Variants in BRCA2 observed in about 807,000 individuals in gnomAD.
BRCA2 encodes BRCA2 DNA repair associated, also known as breast cancer type 2 susceptibility protein.
BRCA2 carries 203 observed loss-of-function variants against 276.7 expected under a neutral mutation model. That is an observed-to-expected ratio of 0.73 (90% confidence interval 0.65 to 0.82). BRCA2 has a LOEUF of 0.82. BRCA2 is among the 40% of genes least tolerant of loss of function. BRCA2 has a pLI of 0.00. For missense variants in BRCA2, 3,920 were observed against 3,915.0 expected (o/e 1.00, Z -0.03); for synonymous variants, 1,289 against 1,338.4 (o/e 0.96, Z 0.81).
chr13:32,349,832 A>C (rs1024229077), intron 13 of BRCA2, among the ~76,000 whole-genome samples: 1 of 133,538 alleles, frequency 7.5e-6, no homozygotes, highest in East Asian at 2.2e-4. Flanking sequence ...AAAAAAAAAA[A>C]GCAGCAGCAG....
rs397507427 is a variant in BRCA2 at position 32,394,815 on chromosome 13, G to A, written c.9383G>A (p.Arg3128Gln). The A allele has an allele frequency of 8.1e-6, 13 of 1,614,038 alleles. No individual in the cohort carries two copies. The East Asian group carries it at 1.3e-4, about 17-fold the overall frequency. ...MLIAASNLQW[R>Q]PESKSGLLTL... ...ATTGCTGCAAGCAACCTCCAGTGGC[G>A]ACCAGAATCCAAATCAGGCCTTCTT... Residue 3128 changes from arginine (R) to glutamine (Q), a missense_variant, in exon 25 of 27, where the codon CGA becomes CAA. By Grantham distance (43) the Arg-to-Gln change is conservative. This residue lies in a region of BRCA2 where 657 missense variants were observed against 758.2 expected (regional missense o/e 0.87). Transcript: ENST00000380152.
chr13:32,395,952 C>CTTTTTTTT (rs2073033094), intron 25 of BRCA2: 1 of 117,782 alleles, frequency 8.5e-6, no homozygotes, highest in Non-Finnish European at 1.5e-5. Context: ...TTCTTTTTTT[C>CTTTTTTTT]TTTCTTTCTT....
rs80359104 is a variant in BRCA2 at position 32,370,992 on chromosome 13, C to G, written c.8524C>G (p.Arg2842Gly). The change falls in exon 20 of 27, where the codon CGC becomes GGC. Residue 2842 changes from arginine to glycine, a missense_variant. This residue lies in a region of BRCA2 where 657 missense variants were observed against 758.2 expected (regional missense o/e 0.87). Transcript: ENST00000380152. ...GACATCATCTGGATTATACATATTT[C>G]GCAATGAAAGAGAGGAAGAAAAGGA... ...EKTSSGLYIF[R>G]NEREEEKEAA... The G allele has an allele frequency of 6.2e-7, 1 of 1,613,880 alleles. No homozygotes were observed. Among genetic ancestry groups the G allele is most frequent in the Non-Finnish European group, 8.5e-7 (1 of 1,179,980 alleles).
chr13:32,356,707 C>T, intron 15 of BRCA2, 98 bp downstream of exon 15: 1 of 1,353,078 alleles, frequency 7.4e-7, no homozygotes, highest in South Asian at 1.2e-5. Context: ...AGAATGAACA[C>T]ATTAGTGCAG....
rs2072453670 is a variant in BRCA2 at position 32,336,610 on chromosome 13, A to G, written c.2255A>G (p.Asp752Gly). 6.2e-7 allele frequency: 1 copy of G among 1,614,106 alleles called. No individual in the cohort carries two copies. Residue 752 changes from aspartate (D) to glycine (G), a missense_variant, in exon 11 of 27, where the codon GAC becomes GGC. Transcript: ENST00000380152. ...QHSKVEYSDT[D>G]FQSQKSLLYD... Reference sequence around the variant, plus strand: ...TCAAAAGTGGAATACAGTGATACTGACTTTCAATCCCAGAAAAGTCTTTTA... The same window carrying G: ...TCAAAAGTGGAATACAGTGATACTGGCTTTCAATCCCAGAAAAGTCTTTTA...
At chr13:32,325,338 T>C (rs1459738987) in intron 4 of BRCA2, among the ~76,000 whole-genome samples, 154 bp downstream of exon 4, 1 of 152,176 alleles carries the variant, frequency 6.6e-6, no homozygotes. Context: ...GTTGAGTCCT[T>C]TAATAGAATA....
chr13:32,384,814 G>T, intron 24 of BRCA2: 1 of 274,528 alleles, frequency 3.6e-6, no homozygotes, highest in South Asian at 7.5e-5. Flanking sequence ...ATACAGTGTG[G>T]GAATACACAA....
intron 24 of BRCA2, chr13:32,386,064 T>C: frequency 5.2e-6 from 1 of 193,192 alleles, no homozygotes; most frequent in Non-Finnish European, 1.1e-5. Context: ...GAGTGGGCCC[T>C]GAGACTGGCT....
chr13:32,330,841 C>A (rs1258148614), intron 8 of BRCA2, 78 bp from the exon 9 acceptor site: 9 of 877,214 alleles, frequency 1.0e-5, no homozygotes, highest in Non-Finnish European at 7.3e-6. Context: ...AAAAGTGAAA[C>A]CATGGATAAG....
At chr13:32,397,130 A>G (rs2073042695) in intron 26 of BRCA2, 86 bp downstream of exon 26, 1 of 1,410,862 alleles carries the variant, frequency 7.1e-7, no homozygotes, top group Non-Finnish European at 9.9e-7. Flanking sequence ...TAAACATGGT[A>G]AAATGTAATT....
intron 20 of BRCA2, among the ~76,000 whole-genome samples, chr13:32,375,706 A>G (rs918122067): frequency 1.3e-5 from 2 of 151,974 alleles, no homozygotes; most frequent in African/African-American, 2.4e-5. Context: ...GATTACAGGC[A>G]TGTGCCACCA....
intron 24 of BRCA2, chr13:32,385,120 G>A (rs1405432081): frequency 4.1e-6 from 1 of 245,246 alleles, no homozygotes; most frequent in South Asian, 1.1e-4. Flanking sequence ...GGAATGTGGA[G>A]GGAAGAATTA....
chr13:32,346,272 C>T (rs2072610109), intron 12 of BRCA2, among the ~76,000 whole-genome samples: 1 of 151,760 alleles, frequency 6.6e-6, no homozygotes, highest in Admixed American at 6.6e-5. Flanking sequence ...ACAGTATATA[C>T]ACCATTTTGC....
Position 32,337,861 on chromosome 13 carries a change from A to C in BRCA2, c.3506A>C (p.Asn1169Thr), listed in dbSNP as rs1194031580. 1 of 1,614,106 alleles carries C rather than the reference A, an allele frequency of 6.2e-7. No individual in the cohort carries two copies. The highest frequency in any genetic ancestry group is 1.7e-5 in the Admixed American group (1 of 60,020). Reference sequence around the variant, plus strand: ...GATGCTGATCTTCATGTCATAATGAATGCCCCATCGATTGGTCAGGTAGAC... The same window carrying C: ...GATGCTGATCTTCATGTCATAATGACTGCCCCATCGATTGGTCAGGTAGAC... ...CRDADLHVIM[N>T]APSIGQVDSS... The change falls in exon 11 of 27, where the codon AAT becomes ACT. Residue 1169 changes from asparagine to threonine, a missense_variant. Coordinates refer to ENST00000380152, the MANE Select transcript of BRCA2 (RefSeq NM_000059.4).
rs879255467 is a variant in BRCA2 at position 32,363,165 on chromosome 13, G to A, written c.7977-14G>A. The A allele has an allele frequency of 5.6e-6, 9 of 1,605,102 alleles. No homozygotes were observed. The highest frequency in any genetic ancestry group is 6.8e-6 in the Non-Finnish European group (8 of 1,173,244). On this transcript the variant is annotated splice_polypyrimidine_tract_variant and intron_variant, in intron 17 of 26. Coordinates refer to ENST00000380152, the MANE Select transcript of BRCA2 (RefSeq NM_000059.4). ...CACACTTCCTAAAATATGCATTTTT[G>A]TTTTCACTTTTAGATATGATACGGA...
chr13:32,378,309 GA>G (rs2072887428), intron 21 of BRCA2, among the ~76,000 whole-genome samples: 1 of 152,212 alleles, frequency 6.6e-6, no homozygotes, highest in East Asian at 1.9e-4. Context: ...GAAAACCTAA[GA>G]GTAGGTTATC....
Position 32,394,470 on chromosome 13 carries a change from A to G in BRCA2, c.9257-219A>G, listed in dbSNP as rs7330025. On this transcript the variant is annotated intron_variant, in intron 24 of 26. Transcript: ENST00000380152. The stretch of plus-strand genomic sequence containing the variant: ...CGTATACCTGCTTCCACATGACCTC[A>G]GTAAAAGAATGTGTTGTCATATTGG... Among the ~76,000 whole-genome samples the G allele has an allele frequency of 0.52, 78,562 of 152,018 alleles. 20,387 individuals carry two copies. Among genetic ancestry groups the G allele is most frequent in the East Asian group, 0.57 (2,948 of 5,176 alleles).
At chr13:32,331,109 C>G (rs1288900940) in intron 9 of BRCA2, 79 bp downstream of exon 9, 14 of 994,304 alleles carry the variant, frequency 1.4e-5, no homozygotes, top group Non-Finnish European at 2.0e-5. Flanking sequence ...TGGAGTCTTG[C>G]TCTGTCACCC....
chr13:32,337,169 A>G lies in BRCA2; in HGVS notation c.2814A>G (p.Ala938=), dbSNP rs1387377078. The change falls in exon 11 of 27, where the codon GCA becomes GCG. Residue 938 remains alanine (A), a synonymous_variant. Transcript: ENST00000380152. ...VLYGDTGDKQ[A]TQVSIKKDLV... is the part of the protein sequence containing the mutation. ...ATGGAGACACAGGTGATAAACAAGC[A>G]ACCCAAGTGTCAATTAAAAAAGATT... 1 of 1,613,834 alleles carries G rather than the reference A, an allele frequency of 6.2e-7. No individual in the cohort carries two copies. The highest frequency in any genetic ancestry group is 1.1e-5 in the South Asian group (1 of 91,020).
Sources: allele counts gnomAD v4.1 joint callset (sites outside exome capture counted in the v4.1 genomes callset), GRCh38; gene constraint gnomAD v4.1.1; regional missense constraint gnomAD v4.1.1; transcripts MANE v1.5; gene names NCBI Gene and HGNC (gene_info 2026-07-23, HGNC 2026-07-21).